The following RTEL1 variants were observed in gnomAD, a reference collection of about 807,000 sequenced individuals.
The protein encoded by RTEL1 is regulator of telomere elongation helicase 1, also known as regulator of telomere length.
Under a neutral mutation model 162.2 loss-of-function variants are expected in RTEL1, and 86 were observed. The observed-to-expected ratio is 0.53, with a 90% CI of 0.45 to 0.63. The LOEUF is 0.63. Among genes scored for constraint, RTEL1 ranks in the 30% least tolerant of loss-of-function variants. The pLI, the probability that RTEL1 is intolerant of heterozygous loss-of-function variation, is 0.00. For missense variants in RTEL1, 1,941 were observed against 1,750.2 expected, an observed-to-expected ratio of 1.11 and a Z score of -1.95; for synonymous variants, 958 against 717.9, an observed-to-expected ratio of 1.33 and a Z score of -5.35.
chr20:63,691,821 G>T lies in RTEL1; in HGVS notation c.2636G>T (p.Arg879Leu), dbSNP rs770539835. 2 of 1,611,344 alleles carry T rather than the reference G, an allele frequency of 1.2e-6. No homozygotes were observed. The highest frequency in any genetic ancestry group is 2.2e-5 in the East Asian group (1 of 44,872). Residue 879 changes from arginine (R) to leucine (L), a missense_variant, in exon 28 of 35, where the codon CGG becomes CTG. Coordinates refer to ENST00000360203, the MANE Select transcript of RTEL1 (RefSeq NM_001283009.2). ...CCGCGAGGAGGGAGGAAGAAGATCC[G>T]GCTGGTCAGCCACCCGGTGCGTGAG... ...EEPRGGRKKI[R>L]LVSHPEEPVA...
At position 63,679,851 on chromosome 20, in the gene RTEL1, A is replaced by G. The variant is rs769658909; in HGVS notation, c.1040A>G (p.Tyr347Cys). The change falls in exon 13 of 35, where the codon TAC becomes TGC. Residue 347 changes from tyrosine to cysteine, a missense_variant and splice_region_variant. Transcript: ENST00000360203. ...DDSGVTKPGS[Y>C]IFELFAEAQI... The stretch of plus-strand genomic sequence containing the variant: ...GCCTGCCTTCTTCTCCTCGGCAGCT[A>G]CATCTTTGAGCTGTTTGCTGAAGCC... The G allele has an allele frequency of 1.9e-5, 30 of 1,609,810 alleles. No individual in the cohort carries two copies. The South Asian group carries it at 2.7e-4, about 15-fold the overall frequency.
Position 63,695,764 on chromosome 20 carries a change from C to T in RTEL1, c.3823-14C>T, listed in dbSNP as rs536966266. On this transcript the variant is annotated splice_polypyrimidine_tract_variant and intron_variant, in intron 34 of 34. Transcript: ENST00000360203. ...CGCCTGGCAGACGTGTGCAGTGGGC[C>T]GGTTGTCTCACAGGCCTCTAGGATG... The T allele has an allele frequency of 1.2e-4, 185 of 1,587,908 alleles. 2 individuals are homozygous for T. In the South Asian group the frequency reaches 1.3e-3, roughly 11 times the overall value.
At chr20:63,694,299 G>GGGCCGCCCCCCC in intron 30 of RTEL1, 73 bp from the exon 31 acceptor site, 1 of 841,720 alleles carries the variant, frequency 1.2e-6, no homozygotes, top group Non-Finnish European at 2.0e-6. Flanking sequence ...TCCCTAGCCA[G>GGGCCGCCCCCCC]CCCTGCCCCC....
rs541574932 is a variant in RTEL1 at position 63,676,738 on chromosome 20, T to G, written c.920-1407T>G. Among the ~76,000 whole-genome samples, 14 of 152,172 alleles carry G rather than the reference T, an allele frequency of 9.2e-5. No homozygotes were observed. In the South Asian group the frequency reaches 2.7e-3, roughly 29 times the overall value. ...ATCACGAGGTCAGAGATTGAGACCA[T>G]CCTGGCCAACACGGTGAAACCCCGT... On this transcript the variant is annotated intron_variant, in intron 10 of 34. Transcript: ENST00000360203.
intron 28 of RTEL1, 149 bp from the exon 29 acceptor site, chr20:63,692,656 T>G (rs1217019284): frequency 2.7e-6 from 2 of 733,570 alleles, no homozygotes; most frequent in Non-Finnish European, 4.5e-6. Context: ...CCTCCCTATG[T>G]CCATCCAGCC....
At chr20:63,695,276 G>C (rs1033340591) in intron 33 of RTEL1, 52 bp from the exon 34 acceptor site, 1 of 1,599,228 alleles carries the variant, frequency 6.3e-7, no homozygotes, top group African/African-American at 1.3e-5. Context: ...GCAGCCCTGG[G>C]AGTGAGCAGC....
chr20:63,678,915 C>T (rs1204311158), intron 12 of RTEL1, among the ~76,000 whole-genome samples: 4 of 151,920 alleles, frequency 2.6e-5, no homozygotes, highest in Non-Finnish European at 5.9e-5. Context: ...CACACACCCA[C>T]GGAACAGCAC....
Position 63,690,410 on chromosome 20 carries a change from G to A in RTEL1, c.2382G>A (p.Leu794=), listed in dbSNP as rs2090707590. ...CCAGGAAAGCTAAGAGTCTGGACCT[G>A]CATGTCCCCAGCCTGAAGCAGAGGT... ...FSTRKAKSLD[L]HVPSLKQRSS... The change falls in exon 26 of 35, where the codon CTG becomes CTA. Residue 794 remains leucine (L), a synonymous_variant. Transcript: ENST00000360203. 1 of 1,604,468 alleles carries A rather than the reference G, an allele frequency of 6.2e-7. No homozygotes were observed. The highest frequency in any genetic ancestry group is 8.5e-7 in the Non-Finnish European group (1 of 1,174,868).
intron 16 of RTEL1, chr20:63,686,598 C>T (rs897121344): frequency 1.3e-5 from 2 of 152,458 alleles, no homozygotes; most frequent in African/African-American, 4.8e-5. Flanking sequence ...GCTGTCCGAC[C>T]CATGGTGGCA....
chr20:63,671,716 C>T lies in RTEL1; in HGVS notation c.700-840C>T, dbSNP rs894634089. 6.0e-5 allele frequency among the ~76,000 whole-genome samples: 9 copies of T among 150,338 alleles called. No homozygotes were observed. In the Admixed American group the frequency reaches 6.0e-4, roughly 10 times the overall value. On this transcript the variant is annotated intron_variant, in intron 8 of 34. Coordinates refer to ENST00000360203, the MANE Select transcript of RTEL1 (RefSeq NM_001283009.2). ...CAGTGTTCGCCAGGCTGGTCTCGAT[C>T]TCCTGACCTCGTGATCCGCCTGCCT... is the stretch of plus-strand genomic sequence containing the variant.
chr20:63,680,772 G>C (rs1266219960), intron 14 of RTEL1, 53 bp downstream of exon 14: 2 of 1,604,720 alleles, frequency 1.2e-6, no homozygotes, highest in Non-Finnish European at 8.5e-7. Flanking sequence ...CCGGGCGGGT[G>C]CCTTCTCCTG....
intron 10 of RTEL1, among the ~76,000 whole-genome samples, chr20:63,677,594 C>CA (rs2090382978): frequency 1.3e-5 from 2 of 152,196 alleles, no homozygotes; most frequent in South Asian, 4.1e-4. Context: ...GCCTGGGTGA[C>CA]AGAGTGACAC....
Position 63,694,352 on chromosome 20 carries a change from G to T in RTEL1, c.2993-20G>T, listed in dbSNP as rs933506711. On this transcript the variant is annotated intron_variant, in intron 30 of 34. Transcript: ENST00000360203. ...CCAGATGCTCTCGACCAGCTTTGTGGCTCTACATCTCTTCATCAGGAAGAA... is the reference window on the plus strand; with the variant it reads ...CCAGATGCTCTCGACCAGCTTTGTGTCTCTACATCTCTTCATCAGGAAGAA... 4 of 1,599,184 alleles carry T rather than the reference G, an allele frequency of 2.5e-6. No individual in the cohort carries two copies. Among genetic ancestry groups the T allele is most frequent in the South Asian group, 1.1e-5 (1 of 90,780 alleles).
intron 30 of RTEL1, among the ~76,000 whole-genome samples, chr20:63,693,916 C>A (rs1187309336): frequency 2.0e-5 from 3 of 150,946 alleles, no homozygotes; most frequent in South Asian, 2.1e-4. Flanking sequence ...ACTGCACACG[C>A]CAGGGTCCTA....
intron 9 of RTEL1, among the ~76,000 whole-genome samples, chr20:63,672,922 C>T (rs1258323030): frequency 6.6e-6 from 1 of 152,242 alleles, no homozygotes; most frequent in Admixed American, 6.5e-5. Flanking sequence ...AGGGCTGTCT[C>T]CTCTGCCCTC....
intron 13 of RTEL1, 137 bp from the exon 14 acceptor site, chr20:63,680,527 C>T (rs1209747851): frequency 5.7e-6 from 5 of 878,370 alleles, no homozygotes; most frequent in African/African-American, 1.7e-5. Context: ...GGATGCTGCG[C>T]TCCACCCTGG....
At chr20:63,691,095 G>C (rs1601174498) in intron 27 of RTEL1, 148 bp downstream of exon 27, 3 of 875,652 alleles carry the variant, frequency 3.4e-6, no homozygotes, top group Non-Finnish European at 5.1e-6. Context: ...GGGGATCCCA[G>C]CTGCCTGGCT....
chr20:63,688,064 C>T lies in RTEL1; in HGVS notation c.1595+14C>T, dbSNP rs770062463. 6 of 1,611,534 alleles carry T rather than the reference C, an allele frequency of 3.7e-6. No individual in the cohort carries two copies. The South Asian group carries it at 6.6e-5, about 18-fold the overall frequency. On this transcript the variant is annotated intron_variant, in intron 18 of 34. Transcript: ENST00000360203. ...GTTTGACAGACGGTGAGGGCCTGTC[C>T]CTGGGCCCTGCTGGGGTGGGAGGTG... is the stretch of plus-strand genomic sequence containing the variant.
At chr20:63,675,034 A>G (rs1346570095) in intron 10 of RTEL1, among the ~76,000 whole-genome samples, 1 of 152,004 alleles carries the variant, frequency 6.6e-6, no homozygotes. Flanking sequence ...CAGCCTCCCA[A>G]GTAGCTGGGA....
Sources: allele counts gnomAD v4.1 joint callset (sites outside exome capture counted in the v4.1 genomes callset), GRCh38; gene constraint gnomAD v4.1.1; transcripts MANE v1.5; gene names NCBI Gene and HGNC (gene_info 2026-07-23, HGNC 2026-07-21).